The following SESN1 variants were observed in gnomAD, a reference collection of about 807,000 sequenced individuals.
The protein encoded by SESN1 is sestrin-1.
Under a neutral mutation model 59.3 loss-of-function variants are expected in SESN1, and 30 were observed. That is an observed-to-expected ratio of 0.51 (90% CI 0.38 to 0.69). The LOEUF (loss-of-function observed/expected upper bound fraction) is 0.69, where lower values mean the gene tolerates loss of function less well. Ranked by LOEUF, SESN1 falls within the 30% of genes least tolerant of loss-of-function variation. SESN1 has a pLI of 0.00. For missense variants in SESN1, 566 were observed against 673.0 expected (o/e 0.84, Z 1.76); for synonymous variants, 197 against 219.9 (o/e 0.90, Z 0.92).
At chr6:109,086,838 A>C (rs1266503736) in intron 1 of SESN1, among the ~76,000 whole-genome samples, 1 of 152,248 alleles carries the variant, frequency 6.6e-6, no homozygotes, top group Non-Finnish European at 1.5e-5. Context: ...ACAGGAATAA[A>C]ATAGATGAAA....
intron 1 of SESN1, among the ~76,000 whole-genome samples, chr6:109,071,705 T>C (rs1248736725): frequency 6.6e-6 from 1 of 152,076 alleles, no homozygotes; most frequent in Non-Finnish European, 1.5e-5. Context: ...GAAACTCAAG[T>C]ACAAATATTC....
chr6:108,998,230 C>A, intron 5 of SESN1, among the ~76,000 whole-genome samples: 1 of 152,278 alleles, frequency 6.6e-6, no homozygotes, highest in South Asian at 2.1e-4. Flanking sequence ...TTGGTCCTGA[C>A]GGGACACATG....
At chr6:108,989,516 T>G (rs2798647) in intron 8 of SESN1, among the ~76,000 whole-genome samples, 116,297 of 148,246 alleles carry the variant, frequency 0.78, 46,488 homozygotes, top group East Asian at 0.93. Flanking sequence ...TATATATATA[T>G]AGAGAGATAT....
rs1412902067 is a variant in SESN1 at position 108,987,575 on chromosome 6, G to A, written c.1625C>T (p.Ala542Val). 6.2e-7 allele frequency: 1 copy of A among 1,604,928 alleles called. No homozygotes were observed. The highest frequency in any genetic ancestry group is 8.5e-7 in the Non-Finnish European group (1 of 1,172,332). Residue 542 changes from alanine (A) to valine (V), a missense_variant, in exon 10 of 10, where the codon GCT (alanine) becomes GTT (valine). Coordinates refer to ENST00000436639, the MANE Select transcript of SESN1 (RefSeq NM_014454.3). ...EARMQAELLYALRAITRYMT is the reference protein window; with the variant it reads ...EARMQAELLYVLRAITRYMT ...CATATAGCGGGTAATGGCTCTCAGA[G>A]CATAAAGGAGTTCTGCTTGCATCCT...
Position 108,987,499 on chromosome 6 carries a change from A to G in SESN1, c.*45T>C, listed in dbSNP as rs746445488. The G allele has an allele frequency of 1.1e-5, 12 of 1,086,460 alleles. No homozygotes were observed. The highest frequency in any genetic ancestry group is 7.1e-6 in the Non-Finnish European group (5 of 707,884). 67.3% of individuals were successfully genotyped at this position (1,086,460 alleles called of 1,614,324 possible). A position where few individuals can be genotyped will look rare whatever the true frequency, so the allele number is the denominator to read the frequency against. On this transcript the variant is annotated 3_prime_UTR_variant, in exon 10 of 10. Transcript: ENST00000436639. ...CTTAGTACCTTCCCCCTTGTAGACT[A>G]TATCTGCTGATCATTCCAGAATCAT...
At chr6:108,988,135 A>G (rs1401763655) in intron 9 of SESN1, among the ~76,000 whole-genome samples, 2 of 152,098 alleles carry the variant, frequency 1.3e-5, no homozygotes, top group African/African-American at 2.4e-5. Flanking sequence ...TTTATATTTT[A>G]TCATGTTTCT....
chr6:109,006,342 A>G (rs1164817475), intron 1 of SESN1, among the ~76,000 whole-genome samples: 2 of 152,152 alleles, frequency 1.3e-5, no homozygotes, highest in Admixed American at 1.3e-4. Flanking sequence ...GTACATGTGC[A>G]CAATGTGCAG....
chr6:109,035,321 T>C (rs1380602912), intron 1 of SESN1, among the ~76,000 whole-genome samples: 1 of 152,152 alleles, frequency 6.6e-6, no homozygotes, highest in Non-Finnish European at 1.5e-5. Context: ...GAGAGCTAAG[T>C]CAGGTATTTT....
At chr6:109,002,853 A>G (rs565426819) in intron 1 of SESN1, among the ~76,000 whole-genome samples, 1 of 152,366 alleles carries the variant, frequency 6.6e-6, no homozygotes, top group African/African-American at 2.4e-5. Flanking sequence ...TTCACAAGAG[A>G]CAGCACTACA....
intron 1 of SESN1, among the ~76,000 whole-genome samples, chr6:109,091,878 T>G (rs1319492865): frequency 6.6e-6 from 1 of 152,206 alleles, no homozygotes; most frequent in Non-Finnish European, 1.5e-5. Context: ...TTCAGACTAC[T>G]GATGAAAAAC....
intron 1 of SESN1, among the ~76,000 whole-genome samples, chr6:109,053,101 G>A (rs1692923177): frequency 6.6e-6 from 1 of 152,072 alleles, no homozygotes; most frequent in East Asian, 1.9e-4. Context: ...TTGGGGGTAG[G>A]AGGTAGGTTG....
chr6:109,036,196 G>GT (rs1405900813), intron 1 of SESN1, among the ~76,000 whole-genome samples: 1 of 152,096 alleles, frequency 6.6e-6, no homozygotes, highest in Non-Finnish European at 1.5e-5. Flanking sequence ...TTAAAATTTA[G>GT]TTTTTTTCAT....
At chr6:109,042,898 C>CA (rs1275522427) in intron 1 of SESN1, among the ~76,000 whole-genome samples, 6 of 151,524 alleles carry the variant, frequency 4.0e-5, no homozygotes, top group Non-Finnish European at 7.4e-5. Context: ...AAAGACAATA[C>CA]AAAAAAAGAA....
chr6:109,026,852 C>T (rs1172454260), intron 1 of SESN1, among the ~76,000 whole-genome samples: 4 of 151,988 alleles, frequency 2.6e-5, no homozygotes, highest in African/African-American at 9.7e-5. Context: ...AGTAGTTGTA[C>T]CATTTTATAT....
At chr6:109,088,818 T>C (rs1781262016) in intron 1 of SESN1, among the ~76,000 whole-genome samples, 1 of 152,186 alleles carries the variant, frequency 6.6e-6, no homozygotes, top group South Asian at 2.1e-4. Flanking sequence ...ATCAAGAGTA[T>C]CAAAAGGTGT....
At chr6:109,091,844 T>C (rs1289369388) in intron 1 of SESN1, among the ~76,000 whole-genome samples, 2 of 152,174 alleles carry the variant, frequency 1.3e-5, no homozygotes, top group South Asian at 4.1e-4. Flanking sequence ...GGGTGGAAAC[T>C]CCCTAAACTG....
At chr6:109,082,903 C>T (rs1781149578) in intron 1 of SESN1, among the ~76,000 whole-genome samples, 1 of 152,164 alleles carries the variant, frequency 6.6e-6, no homozygotes, top group Non-Finnish European at 1.5e-5. Context: ...AGATCAAATG[C>T]ATCATTATCA....
intron 1 of SESN1, among the ~76,000 whole-genome samples, chr6:109,030,458 A>T (rs1347288105): frequency 6.6e-6 from 1 of 152,208 alleles, no homozygotes; most frequent in African/African-American, 2.4e-5. Context: ...TATCCAATGT[A>T]TCAATAGATG....
chr6:109,009,984 C>T (rs1779829328), intron 1 of SESN1, among the ~76,000 whole-genome samples: 1 of 152,244 alleles, frequency 6.6e-6, no homozygotes, highest in Non-Finnish European at 1.5e-5. Context: ...TCCCTTCTTC[C>T]TTTCCCATAA....
Sources: gnomAD v4.1 joint callset for allele counts (sites outside exome capture counted in the v4.1 genomes callset) on GRCh38, gnomAD v4.1.1 for gene constraint, MANE v1.5 for transcripts, NCBI Gene and HGNC (gene_info 2026-07-23, HGNC 2026-07-21) for gene names.